VWDE: variants seen among roughly 807,000 people sequenced by gnomAD.
VWDE encodes von Willebrand factor D and EGF domains, also known as von Willebrand factor D and EGF domain-containing protein.
Under a neutral mutation model 178.4 loss-of-function variants are expected in VWDE, and 207 were observed. The observed-to-expected ratio is 1.16, with a 90% CI of 1.04 to 1.30. VWDE has a LOEUF of 1.30. Ranked by LOEUF, VWDE falls within the 50% of genes most tolerant of loss-of-function variation. The pLI is 0.00. For synonymous variants in VWDE, 738 were observed against 651.4 expected (o/e 1.13, Z -2.02); for missense variants, 2,287 against 1,901.3 (o/e 1.20, Z -3.77).
intron 1 of VWDE, among the ~76,000 whole-genome samples, chr7:12,398,382 A>T (rs949829201): frequency 2.0e-5 from 3 of 152,170 alleles, no homozygotes; most frequent in African/African-American, 7.2e-5. Context: ...TTACCAGATT[A>T]CCACATCTGG....
chr7:12,368,687 G>A (rs954677493), intron 12 of VWDE, among the ~76,000 whole-genome samples: 3 of 152,138 alleles, frequency 2.0e-5, no homozygotes, highest in African/African-American at 7.2e-5. Flanking sequence ...ATAAACACAG[G>A]AGCAATATGA....
chr7:12,401,100 C>T (rs1156623729), intron 1 of VWDE, among the ~76,000 whole-genome samples: 1 of 152,084 alleles, frequency 6.6e-6, no homozygotes. Context: ...CCATAGCTTA[C>T]ATTTTATGTG....
chr7:12,333,617 T>G (rs1353321683), intron 27 of VWDE, 49 bp from the exon 28 acceptor site: 1 of 1,291,010 alleles, frequency 7.7e-7, no homozygotes, highest in Non-Finnish European at 1.1e-6. Flanking sequence ...ATGAAATGCT[T>G]GTGGCATATT....
chr7:12,349,841 C>T (rs1318485200), intron 19 of VWDE, among the ~76,000 whole-genome samples: 8 of 151,780 alleles, frequency 5.3e-5, no homozygotes, highest in African/African-American at 1.9e-4. Flanking sequence ...AGTAAAATAG[C>T]TATACATAAG....
chr7:12,337,260 G>A lies in VWDE; in HGVS notation c.4379C>T (p.Pro1460Leu). ...GEHCQNAFCHPPCKNGGHCMR... is the reference protein window; with the variant it reads ...GEHCQNAFCHLPCKNGGHCMR... ...GCAGTGGCCACCATTCTTACAGGGAGGGTGACAGAAAGCTAAAAGAACACA... is the reference window on the plus strand; with the variant it reads ...GCAGTGGCCACCATTCTTACAGGGAAGGTGACAGAAAGCTAAAAGAACACA... Residue 1460 changes from proline (P) to leucine (L), a missense_variant, in exon 25 of 29, where the codon CCT becomes CTT. Transcript: ENST00000275358. The A allele has an allele frequency of 2.6e-6, 4 of 1,551,828 alleles. No individual in the cohort carries two copies. Among genetic ancestry groups the A allele is most frequent in the Non-Finnish European group, 3.5e-6 (4 of 1,146,962 alleles).
chr7:12,384,521 G>A (rs1268877485), intron 3 of VWDE, among the ~76,000 whole-genome samples: 2 of 152,232 alleles, frequency 1.3e-5, no homozygotes, highest in East Asian at 1.9e-4. Flanking sequence ...GTGTGTCAAT[G>A]TAGGTCATCA....
chr7:12,400,532 A>G (rs1039563409), intron 1 of VWDE, among the ~76,000 whole-genome samples: 1 of 152,180 alleles, frequency 6.6e-6, no homozygotes, highest in Admixed American at 6.5e-5. Context: ...TAGATTTATA[A>G]CAAGTAAAAA....
Position 12,374,688 on chromosome 7 carries a change from C to G in VWDE, c.1316+1G>C, listed in dbSNP as rs138469050. ...AAAAGAAGAAACTTTCAGAAAATTACCTGCCATCAAATGTAATTATATGTG... is the reference window on the plus strand; with the variant it reads ...AAAAGAAGAAACTTTCAGAAAATTAGCTGCCATCAAATGTAATTATATGTG... On this transcript the variant is annotated splice_donor_variant, in intron 9 of 28. Coordinates refer to ENST00000275358, the MANE Select transcript of VWDE (RefSeq NM_001135924.3). LOFTEE classifies it high-confidence loss of function. The G allele has an allele frequency of 1.8e-3, 2,716 of 1,526,944 alleles. 42 individuals carry two copies. In the African/African-American group the frequency reaches 0.032, roughly 18 times the overall value. 94.6% of individuals were successfully genotyped at this position (1,526,944 alleles called of 1,614,324 possible). A position where few individuals can be genotyped will look rare whatever the true frequency, so the allele number is the denominator to read the frequency against.
chr7:12,348,291 C>A (rs1173981229), intron 19 of VWDE, among the ~76,000 whole-genome samples: 3 of 148,600 alleles, frequency 2.0e-5, no homozygotes, highest in South Asian at 2.1e-4. Context: ...AACAGGCAAC[C>A]TACAAAATGG....
chr7:12,334,113 T>C (rs1408227142), intron 27 of VWDE, among the ~76,000 whole-genome samples: 2 of 151,512 alleles, frequency 1.3e-5, no homozygotes, highest in Non-Finnish European at 2.9e-5. Flanking sequence ...TACCTACATC[T>C]ATCTCAATAT....
At chr7:12,383,761 A>T (rs986295625) in intron 3 of VWDE, among the ~76,000 whole-genome samples, 160 bp from the exon 4 acceptor site, 45 of 152,122 alleles carry the variant, frequency 3.0e-4, no homozygotes, top group Non-Finnish European at 7.4e-5. Flanking sequence ...TAAGGGTGAG[A>T]TCAAATGAAA....
In VWDE at chr7:12,336,942, C is replaced by T. The variant is rs1285452851; in HGVS notation, c.4558+46G>A. 5 of 1,483,464 alleles carry T rather than the reference C, an allele frequency of 3.4e-6. No individual in the cohort carries two copies. The East Asian group carries it at 7.4e-5, about 22-fold the overall frequency. The allele number at this position is 1,483,464 out of a possible 1,614,324, so 91.9% of individuals were successfully genotyped here. ...TCTGTTTTAAACTCTGCTTTACATT[C>T]CCATGAAGGACGAAAGCTTCAGTGT... is the stretch of plus-strand genomic sequence containing the variant. On this transcript the variant is annotated intron_variant, in intron 26 of 28. Transcript: ENST00000275358.
Position 12,369,803 on chromosome 7 carries a change from T to G in VWDE, c.2503A>C (p.Ile835Leu). Residue 835 changes from isoleucine (I) to leucine (L), a missense_variant, in exon 12 of 29, where the codon ATA (isoleucine) becomes CTA (leucine). Ile to Leu is a conservative substitution (Grantham distance 5). Coordinates refer to ENST00000275358, the MANE Select transcript of VWDE (RefSeq NM_001135924.3). ...AGAACATCCTTCACACACATCTCTA[T>G]AACACTGTCTAATCTCTTGCCAAGA... Reference protein sequence around the residue: ...AFLGKRLDSVIEMCVKDVLLK... With the variant: ...AFLGKRLDSVLEMCVKDVLLK... 1 of 1,551,540 alleles carries G rather than the reference T, an allele frequency of 6.4e-7. No individual in the cohort carries two copies. Among genetic ancestry groups the G allele is most frequent in the Non-Finnish European group, 8.7e-7 (1 of 1,146,890 alleles).
intron 15 of VWDE, among the ~76,000 whole-genome samples, chr7:12,360,861 A>G (rs1410374533): frequency 6.6e-6 from 1 of 152,208 alleles, no homozygotes; most frequent in East Asian, 1.9e-4. Context: ...AGTCATTATT[A>G]CTACTGAAAA....
At chr7:12,346,115 C>T in intron 19 of VWDE, among the ~76,000 whole-genome samples, 1 of 152,118 alleles carries the variant, frequency 6.6e-6, no homozygotes, top group East Asian at 1.9e-4. Flanking sequence ...GAAATCATGA[C>T]ACTGTTTCTG....
intron 1 of VWDE, among the ~76,000 whole-genome samples, chr7:12,402,828 T>C (rs1008407987): frequency 6.6e-6 from 1 of 152,112 alleles, no homozygotes; most frequent in Non-Finnish European, 1.5e-5. Context: ...GATCAAAAAA[T>C]GATAAGACAA....
rs755714361 is a variant in VWDE, at chr7:12,351,783, T to A, written c.3746-70A>T. ...ACAACCAAAGCACCACAAATAAGAA[T>A]ATACAATACAAACGCCACTTGGATT... On this transcript the variant is annotated intron_variant, in intron 18 of 28. Transcript: ENST00000275358. 7.4e-6 allele frequency: 10 copies of A among 1,351,278 alleles called. No homozygotes were observed. The African/African-American group carries it at 1.5e-4, about 20-fold the overall frequency. 83.7% of individuals were successfully genotyped at this position (1,351,278 alleles called of 1,614,324 possible). A position where few individuals can be genotyped will look rare whatever the true frequency, so the allele number is the denominator to read the frequency against.
At chr7:12,356,396 A>G in intron 17 of VWDE, 66 bp from the exon 18 acceptor site, 1 of 1,317,452 alleles carries the variant, frequency 7.6e-7, no homozygotes, top group South Asian at 1.3e-5. Flanking sequence ...TATGCCCCAG[A>G]AATCATGACA....
At chr7:12,350,906 C>A (rs1287001308) in intron 19 of VWDE, among the ~76,000 whole-genome samples, 3 of 152,028 alleles carry the variant, frequency 2.0e-5, no homozygotes, top group Non-Finnish European at 4.4e-5. Context: ...GCAGACAAAA[C>A]CCCCTATTTG....
Sources: gnomAD v4.1 joint callset for allele counts (sites outside exome capture counted in the v4.1 genomes callset) on GRCh38, gnomAD v4.1.1 for gene constraint, MANE v1.5 for transcripts, NCBI Gene and HGNC (gene_info 2026-07-23, HGNC 2026-07-21) for gene names.